DOT1L: variants seen among roughly 807,000 people sequenced by gnomAD.
The protein encoded by DOT1L is histone-lysine N-methyltransferase, H3 lysine-79 specific.
In DOT1L, 33 loss-of-function variants were observed where a neutral mutation model predicts 153.3. That is an observed-to-expected ratio of 0.22 (90% CI 0.16 to 0.29). The LOEUF (loss-of-function observed/expected upper bound fraction) is 0.29. DOT1L is among the 10% of genes least tolerant of loss of function. The probability of loss-of-function intolerance (pLI) is 1.00; values close to 1 mark genes in which losing one functional copy is unlikely to be tolerated. For missense variants in DOT1L, 1,847 were observed against 2,119.9 expected (o/e 0.87, Z 2.53); for synonymous variants, 1,135 against 965.1 (o/e 1.18, Z -3.26).
rs774617119 is a variant in DOT1L at position 2,222,300 on chromosome 19, G to A, written c.3131G>A (p.Arg1044Lys). Residue 1044 changes from arginine to lysine, a missense_variant, in exon 24 of 28, where the codon AGG (arginine) becomes AAG (lysine). Transcript: ENST00000398665. This position sits in a 1 kb window ranked among gnomAD's most constrained non-coding sequence, Gnocchi z 6.5. Reference protein sequence around the residue: ...FSDPESEAKRRIVFTITTGAG... With the variant: ...FSDPESEAKRKIVFTITTGAG... ...GATCCTGAGAGTGAAGCCAAGAGGAGGATTGTGTTCACCATCACCACTGGT... is the reference window on the plus strand; with the variant it reads ...GATCCTGAGAGTGAAGCCAAGAGGAAGATTGTGTTCACCATCACCACTGGT... 1.9e-6 allele frequency: 3 copies of A among 1,613,090 alleles called. No individual in the cohort carries two copies. The highest frequency in any genetic ancestry group is 2.2e-5 in the East Asian group (1 of 44,882).
intron 26 of DOT1L, 70 bp from the exon 27 acceptor site, chr19:2,226,113 C>A: frequency 1.4e-6 from 2 of 1,456,942 alleles, no homozygotes; most frequent in South Asian, 1.5e-5. Context: ...TGGCAGCAGC[C>A]CCGGTTAGCC....
intron 22 of DOT1L, among the ~76,000 whole-genome samples, chr19:2,218,507 C>T (rs2023987750): frequency 1.3e-5 from 2 of 151,660 alleles, no homozygotes; most frequent in East Asian, 1.9e-4. Flanking sequence ...CATTCTCCTG[C>T]CTCAGCCTCC....
chr19:2,218,514 C>T (rs1211641501), intron 22 of DOT1L, among the ~76,000 whole-genome samples: 1 of 151,694 alleles, frequency 6.6e-6, no homozygotes, highest in Non-Finnish European at 1.5e-5. Flanking sequence ...CTGCCTCAGC[C>T]TCCCGAGTAG....
In DOT1L at chr19:2,166,529, A is replaced by G. The variant is rs947993607; in HGVS notation, c.81+2264A>G. ...CGGGTTCAAGCGATTCTCCTGCCTC[A>G]GCCTCCTGAGTAGCTGGGATTACTG... is the stretch of plus-strand genomic sequence containing the variant. On this transcript the variant is annotated intron_variant, in intron 1 of 27. Transcript: ENST00000398665. Among the ~76,000 whole-genome samples, 3 of 151,866 alleles carry G rather than the reference A, an allele frequency of 2.0e-5. No individual in the cohort carries two copies. In the East Asian group the frequency reaches 5.8e-4, roughly 30 times the overall value.
Position 2,222,150 on chromosome 19 carries a change from C to T in DOT1L, c.2981C>T (p.Pro994Leu). 6.2e-7 allele frequency: 1 copy of T among 1,613,116 alleles called. No homozygotes were observed. Among genetic ancestry groups the T allele is most frequent in the Non-Finnish European group, 8.5e-7 (1 of 1,179,872 alleles). Residue 994 changes from proline (P) to leucine (L), a missense_variant, in exon 24 of 28, where the codon CCC becomes CTC. Physicochemically the swap from Pro to Leu is moderately conservative, Grantham distance 98. Transcript: ENST00000398665. The surrounding 1 kb of genome is among the most constrained non-coding windows in gnomAD (Gnocchi z 6.5). ...TPQHPLLLAQ[P>L]RNSLPASPAH... The stretch of plus-strand genomic sequence containing the variant: ...CAGCACCCCCTGCTGCTGGCACAGC[C>T]CCGGAACTCGCTTCCTGCCTCTCCC...
chr19:2,227,927 T>TCCCCCGCTG (rs2024427793), intron 27 of DOT1L: 4 of 924,644 alleles, frequency 4.3e-6, no homozygotes, highest in African/African-American at 3.4e-5. Flanking sequence ...CGCCTCCGCC[T>TCCCCCGCTG]CCCCCGCTGC....
chr19:2,220,202 G>A lies in DOT1L; in HGVS notation c.2786G>A (p.Ser929Asn). ...AATGCCCACGGTGCTGGGAGCAGAA[G>A]CCTTGCCCTGGCCCCCGCAGGTAAC... ...GANAHGAGSR[S>N]LALAPAGFSY... The change falls in exon 23 of 28, where the codon AGC becomes AAC. Residue 929 changes from serine (S) to asparagine (N), a missense_variant. Around this residue, in one of 8 missense-constraint regions of DOT1L, gnomAD observed 68 missense variants for 80.7 expected, o/e 0.84. Coordinates refer to ENST00000398665, the MANE Select transcript of DOT1L (RefSeq NM_032482.3). The surrounding 1 kb of genome is among the most constrained non-coding windows in gnomAD (Gnocchi z 4.5). The A allele has an allele frequency of 1.2e-6, 2 of 1,613,496 alleles. No individual in the cohort carries two copies. The highest frequency in any genetic ancestry group is 1.1e-5 in the South Asian group (1 of 91,054).
chr19:2,204,369 T>C lies in DOT1L; in HGVS notation c.787+1590T>C, dbSNP rs1405449531. ...TTGTTTGCATATCTGTGTGTGTGTG[T>C]GCGTGTGGCAGTGGTGTTTCTGACT... is the stretch of plus-strand genomic sequence containing the variant. On this transcript the variant is annotated intron_variant, in intron 9 of 27. Transcript: ENST00000398665. This position sits in a 1 kb window ranked among gnomAD's most constrained non-coding sequence, Gnocchi z 5.7. 6.6e-6 allele frequency among the ~76,000 whole-genome samples: 1 copy of C among 152,222 alleles called. No homozygotes were observed.
Position 2,180,766 on chromosome 19 carries a change from C to T in DOT1L, c.125+10C>T, listed in dbSNP as rs369316040. On this transcript the variant is annotated intron_variant, in intron 2 of 27. Transcript: ENST00000398665. Reference sequence around the variant, plus strand: ...TCATCGAGACCATCCGGTGAGTGCACGGCCTGCAGTGTGTTGTCTTCACAG... The same window carrying T: ...TCATCGAGACCATCCGGTGAGTGCATGGCCTGCAGTGTGTTGTCTTCACAG... The T allele has an allele frequency of 2.0e-5, 32 of 1,613,640 alleles. No homozygotes were observed. The highest frequency in any genetic ancestry group is 1.9e-4 in the African/African-American group (14 of 74,926).
chr19:2,213,739 C>G, intron 17 of DOT1L, 99 bp downstream of exon 17: 1 of 1,600,174 alleles, frequency 6.2e-7, no homozygotes, highest in Non-Finnish European at 8.5e-7. Context: ...CCTGTCTATG[C>G]CTCTGTCCAG....
chr19:2,222,299 A>G lies in DOT1L; in HGVS notation c.3130A>G (p.Arg1044Gly), dbSNP rs1164640287. Residue 1044 changes from arginine to glycine, a missense_variant, in exon 24 of 28, where the codon AGG becomes GGG. Arg to Gly is a moderately radical substitution (Grantham distance 125, BLOSUM62 -2). Transcript: ENST00000398665. This position sits in a 1 kb window ranked among gnomAD's most constrained non-coding sequence, Gnocchi z 6.5. ...AGATCCTGAGAGTGAAGCCAAGAGG[A>G]GGATTGTGTTCACCATCACCACTGG... The part of the protein sequence containing the change: ...FSDPESEAKR[R>G]IVFTITTGAG... 1.2e-6 allele frequency: 2 copies of G among 1,613,054 alleles called. No homozygotes were observed. The highest frequency in any genetic ancestry group is 2.2e-5 in the East Asian group (1 of 44,870).
At chr19:2,178,696 C>T (rs1008103512) in intron 1 of DOT1L, among the ~76,000 whole-genome samples, 1 of 151,988 alleles carries the variant, frequency 6.6e-6, no homozygotes, top group Non-Finnish European at 1.5e-5. Context: ...GCTGGGATTA[C>T]AGGTGTGAGC....
chr19:2,218,087 C>T (rs528424821), intron 22 of DOT1L, among the ~76,000 whole-genome samples, 169 bp downstream of exon 22: 57 of 152,334 alleles, frequency 3.7e-4, no homozygotes, highest in African/African-American at 1.3e-3. Flanking sequence ...TGACCTGGGC[C>T]GTTGTTTTCG....
chr19:2,228,698 G>T (rs2024474157), intron 27 of DOT1L: 1 of 985,298 alleles, frequency 1.0e-6, no homozygotes, highest in South Asian at 4.7e-5. Flanking sequence ...AGGCCAGGGG[G>T]CTGGGAGCTC....
intron 27 of DOT1L, chr19:2,228,968 G>T (rs1177895153): frequency 1.0e-6 from 1 of 985,432 alleles, no homozygotes; most frequent in Non-Finnish European, 1.2e-6. Flanking sequence ...TCCCGGCGGG[G>T]TCGAGAGGCA....
intron 2 of DOT1L, among the ~76,000 whole-genome samples, chr19:2,182,192 A>T (rs772426349): frequency 6.6e-6 from 1 of 152,038 alleles, no homozygotes; most frequent in Non-Finnish European, 1.5e-5. Flanking sequence ...GTGCCACTGC[A>T]CTGCAGCCTG....
Position 2,199,813 on chromosome 19 carries a change from C to T in DOT1L, c.652-71C>T, listed in dbSNP as rs2144779050. ...AGCTGTGTTCATTCCATTCTTTCTT[C>T]ACAGGGGCTGGGCGGGCTGGGAGTG... On this transcript the variant is annotated intron_variant, in intron 7 of 27. Transcript: ENST00000398665. 1.9e-6 allele frequency: 3 copies of T among 1,571,702 alleles called. No individual in the cohort carries two copies. In the South Asian group the frequency reaches 3.5e-5, roughly 18 times the overall value.
intron 2 of DOT1L, among the ~76,000 whole-genome samples, chr19:2,182,997 C>T (rs2144707042): frequency 6.6e-6 from 1 of 152,288 alleles, no homozygotes; most frequent in South Asian, 2.1e-4. Flanking sequence ...CTCGAACCCC[C>T]ACCACCTGGA....
chr19:2,172,315 G>T (rs942101528), intron 1 of DOT1L, among the ~76,000 whole-genome samples: 25 of 151,266 alleles, frequency 1.7e-4, no homozygotes, highest in African/African-American at 5.6e-4. Context: ...TCAGCCTCCC[G>T]AGTAGCTGGG....
Sources: allele counts gnomAD v4.1 joint callset (sites outside exome capture counted in the v4.1 genomes callset), GRCh38; gene constraint gnomAD v4.1.1; regional missense constraint gnomAD v4.1.1; non-coding constraint Gnocchi (gnomAD v3.1); transcripts MANE v1.5; gene names NCBI Gene and HGNC (gene_info 2026-07-23, HGNC 2026-07-21).